The following C8orf74 variants were observed in gnomAD, a reference collection of about 807,000 sequenced individuals.
C8orf74 encodes uncharacterized protein C8orf74.
C8orf74 carries 29 observed loss-of-function variants against 22.2 expected under a neutral mutation model. That is an observed-to-expected ratio of 1.31 (90% CI 0.97 to 1.78). The LOEUF is 1.78. C8orf74 is among the 40% of genes most tolerant of loss of function. The probability of loss-of-function intolerance (pLI) is 0.00; values close to 1 mark genes in which losing one functional copy is unlikely to be tolerated. For missense variants in C8orf74, 515 were observed against 369.9 expected (o/e 1.39, Z -3.22); for synonymous variants, 255 against 163.1 (o/e 1.56, Z -4.30).
intron 2 of C8orf74, among the ~76,000 whole-genome samples, chr8:10,685,000 T>C (rs934705063): frequency 6.6e-6 from 1 of 152,192 alleles, no homozygotes; most frequent in Admixed American, 6.5e-5. Flanking sequence ...GAAGGAGTGA[T>C]CCACTCCCCA....
At chr8:10,682,986 T>A (rs75695714) in intron 2 of C8orf74, among the ~76,000 whole-genome samples, 1 of 152,096 alleles carries the variant, frequency 6.6e-6, no homozygotes, top group African/African-American at 2.4e-5. Context: ...GCACCTCGAG[T>A]GAGTGGTGTT....
chr8:10,681,711 T>G lies in C8orf74; in HGVS notation c.241+6873T>G, dbSNP rs376444323. 2.9e-4 allele frequency among the ~76,000 whole-genome samples: 44 copies of G among 152,294 alleles called. No individual in the cohort carries two copies. In the East Asian group the frequency reaches 7.9e-3, roughly 27 times the overall value. On this transcript the variant is annotated intron_variant, in intron 2 of 3. Transcript: ENST00000304519. ...ATCATCACGCGTGGCAGGCACGGCC[T>G]CTCTTGGACGCTCTTTCAAGACAGC...
At position 10,684,045 on chromosome 8, in the gene C8orf74, C is replaced by A. The variant is rs191139123; in HGVS notation, c.241+9207C>A. ...GAGGTGACTGCAGCAGGACAGGAGC[C>A]CCGTGCTTCCAGGAGGACCAGGGAA... On this transcript the variant is annotated intron_variant, in intron 2 of 3. Transcript: ENST00000304519. 5.5e-3 allele frequency among the ~76,000 whole-genome samples: 830 copies of A among 152,254 alleles called. 6 individuals are homozygous for A. The highest frequency in any genetic ancestry group is 0.024 in the Middle Eastern group (7 of 294).
At chr8:10,694,334 G>A (rs951589226) in intron 2 of C8orf74, among the ~76,000 whole-genome samples, 2 of 152,126 alleles carry the variant, frequency 1.3e-5, no homozygotes, top group Non-Finnish European at 2.9e-5. Context: ...GGATAAATAT[G>A]TAAACTGAAA....
intron 2 of C8orf74, chr8:10,689,170 G>A (rs1019214617): frequency 6.6e-6 from 1 of 152,234 alleles, no homozygotes; most frequent in Admixed American, 6.5e-5. Flanking sequence ...GTGGTGATGG[G>A]GAAGGCAGCT....
At chr8:10,673,033 G>A (rs1489087605) in intron 1 of C8orf74, among the ~76,000 whole-genome samples, 1 of 152,166 alleles carries the variant, frequency 6.6e-6, no homozygotes, top group Non-Finnish European at 1.5e-5. Context: ...AGTGTGTTGG[G>A]GGAGGCTCTG....
At position 10,700,221 on chromosome 8, in the gene C8orf74, C is replaced by G. The variant is rs755194433; in HGVS notation, c.649-14C>G. The G allele has an allele frequency of 1.3e-6, 2 of 1,568,978 alleles. No homozygotes were observed. Among genetic ancestry groups the G allele is most frequent in the African/African-American group, 2.7e-5 (2 of 73,262 alleles). On this transcript the variant is annotated splice_polypyrimidine_tract_variant and intron_variant, in intron 3 of 3. Coordinates refer to ENST00000304519, the MANE Select transcript of C8orf74 (RefSeq NM_001040032.2). Reference sequence around the variant, plus strand: ...TCCCCAGCCCTGCTCATCGGCCTTCCCCTTTCCTTCCAGGAGTTGGAGAGC... The same window carrying G: ...TCCCCAGCCCTGCTCATCGGCCTTCGCCTTTCCTTCCAGGAGTTGGAGAGC...
chr8:10,686,661 C>T (rs1296566723), intron 2 of C8orf74: 1 of 157,642 alleles, frequency 6.3e-6, no homozygotes, highest in Non-Finnish European at 1.4e-5. Context: ...TGGGAGACCG[C>T]CCTGGAATAC....
chr8:10,699,900 A>G (rs2129059534), intron 3 of C8orf74, among the ~76,000 whole-genome samples: 1 of 152,342 alleles, frequency 6.6e-6, no homozygotes, highest in South Asian at 2.1e-4. Flanking sequence ...TCTAGGCAAG[A>G]AAAGAAAAGG....
chr8:10,686,388 G>A (rs577751078), intron 2 of C8orf74, among the ~76,000 whole-genome samples: 1 of 152,180 alleles, frequency 6.6e-6, no homozygotes, highest in African/African-American at 2.4e-5. Context: ...TGAGTTGATG[G>A]ATAATGTAAA....
chr8:10,691,795 T>C (rs1362958061), intron 2 of C8orf74: 1 of 152,284 alleles, frequency 6.6e-6, no homozygotes, highest in African/African-American at 2.4e-5. Context: ...GGTCCTGGTG[T>C]TCCGTGATGA....
chr8:10,678,681 C>G (rs1799084585), intron 2 of C8orf74, among the ~76,000 whole-genome samples: 1 of 152,120 alleles, frequency 6.6e-6, no homozygotes, highest in Non-Finnish European at 1.5e-5. Flanking sequence ...CAGTTCTGCC[C>G]AGTGGGTGAC....
At chr8:10,679,141 C>T (rs1048888197) in intron 2 of C8orf74, among the ~76,000 whole-genome samples, 4 of 152,122 alleles carry the variant, frequency 2.6e-5, no homozygotes, top group Admixed American at 1.3e-4. Flanking sequence ...TCAGGTCACT[C>T]GTCTGTAAAT....
At chr8:10,685,920 T>C (rs11250059) in intron 2 of C8orf74, among the ~76,000 whole-genome samples, 1,683 of 152,054 alleles carry the variant, frequency 0.011, 32 homozygotes, top group African/African-American at 0.038. Flanking sequence ...ATACAAAAAA[T>C]TAGCTGGGCA....
At chr8:10,676,054 G>A (rs545820651) in intron 2 of C8orf74, among the ~76,000 whole-genome samples, 2 of 152,288 alleles carry the variant, frequency 1.3e-5, no homozygotes, top group East Asian at 1.9e-4. Flanking sequence ...AGATACACGT[G>A]AAAGGATGCT....
intron 2 of C8orf74, among the ~76,000 whole-genome samples, chr8:10,696,435 T>TCTTTC: frequency 7.2e-6 from 1 of 138,344 alleles, no homozygotes; most frequent in African/African-American, 3.3e-5. Context: ...TCTTTTCTTT[T>TCTTTC]CTTTTCTTTT....
intron 2 of C8orf74, among the ~76,000 whole-genome samples, chr8:10,677,948 C>T (rs1054525192): frequency 3.3e-5 from 5 of 152,202 alleles, no homozygotes; most frequent in African/African-American, 9.7e-5. Flanking sequence ...CCACGGATAC[C>T]ACCTCGTTCA....
intron 2 of C8orf74, chr8:10,691,912 C>G (rs1199553924): frequency 6.6e-6 from 1 of 152,426 alleles, no homozygotes; most frequent in South Asian, 2.1e-4. Flanking sequence ...GTTTTGCCTC[C>G]TGGACAGCTG....
chr8:10,695,099 G>T (rs562558653), intron 2 of C8orf74, among the ~76,000 whole-genome samples: 1 of 152,018 alleles, frequency 6.6e-6, no homozygotes, highest in South Asian at 2.1e-4. Context: ...ATGGGGGAGG[G>T]GAAGGGGAAT....
Sources: gnomAD v4.1 joint callset for allele counts (sites outside exome capture counted in the v4.1 genomes callset) on GRCh38, gnomAD v4.1.1 for gene constraint, MANE v1.5 for transcripts, NCBI Gene and HGNC (gene_info 2026-07-23, HGNC 2026-07-21) for gene names.